Variants in MSANTD3 observed in about 807,000 individuals in gnomAD.
The protein encoded by MSANTD3 is myb/SANT-like DNA-binding domain-containing protein 3.
Under a neutral mutation model 27.7 loss-of-function variants are expected in MSANTD3, and 11 were observed. That is an observed-to-expected ratio of 0.40 (90% CI 0.25 to 0.66). The LOEUF (loss-of-function observed/expected upper bound fraction) is 0.66. Among genes scored for constraint, MSANTD3 ranks in the 30% least tolerant of loss-of-function variants. The pLI is 0.41. For missense variants in MSANTD3, 250 were observed against 336.5 expected (o/e 0.74, Z 2.01); for synonymous variants, 131 against 127.2 (o/e 1.03, Z -0.20).
At position 100,451,024 on chromosome 9, in the gene MSANTD3, T is replaced by G; in HGVS notation, c.*58T>G. 6.6e-7 allele frequency: 1 copy of G among 1,504,880 alleles called. No homozygotes were observed. The highest frequency in any genetic ancestry group is 2.3e-5 in the Admixed American group (1 of 44,134). 93.2% of individuals were successfully genotyped at this position (1,504,880 alleles called of 1,614,324 possible). A position where few individuals can be genotyped will look rare whatever the true frequency, so the allele number is the denominator to read the frequency against. On this transcript the variant is annotated 3_prime_UTR_variant, in exon 3 of 3. Transcript: ENST00000395067. ...GTGTTGGCAAAGAATGTCTGGAACA[T>G]GGACTTGGCGGTCAGTAACCTGTAA...
chr9:100,442,618 G>A (rs1042407379), intron 2 of MSANTD3, among the ~76,000 whole-genome samples: 10 of 151,720 alleles, frequency 6.6e-5, no homozygotes, highest in Admixed American at 1.3e-4. Flanking sequence ...ACCACCCTGG[G>A]CAACAAAGTG....
At chr9:100,434,012 G>A (rs1173660795) in intron 1 of MSANTD3, among the ~76,000 whole-genome samples, 2 of 152,056 alleles carry the variant, frequency 1.3e-5, no homozygotes, top group South Asian at 2.1e-4. Context: ...ACACTGTCTC[G>A]TCACCAGCCT....
chr9:100,441,227 T>G (rs1836613814), intron 1 of MSANTD3, among the ~76,000 whole-genome samples: 5 of 152,076 alleles, frequency 3.3e-5, no homozygotes, highest in Non-Finnish European at 7.4e-5. Context: ...CACGGTGGCT[T>G]CTTTTGTCCT....
chr9:100,448,570 A>C, intron 2 of MSANTD3: 3 of 985,344 alleles, frequency 3.0e-6, no homozygotes, highest in Non-Finnish European at 3.6e-6. Context: ...ACTGCACGTA[A>C]TTCACCCCAT....
intron 2 of MSANTD3, among the ~76,000 whole-genome samples, chr9:100,446,415 GC>G: frequency 6.6e-6 from 1 of 151,842 alleles, no homozygotes. Context: ...TCATTCTAAC[GC>G]GCTTGCATAT....
At chr9:100,430,633 T>G (rs1836353574) in intron 1 of MSANTD3, among the ~76,000 whole-genome samples, 2 of 152,144 alleles carry the variant, frequency 1.3e-5, no homozygotes, top group South Asian at 4.1e-4. Context: ...GTATGGAAGT[T>G]TGGGAGACCA....
At chr9:100,440,869 C>T (rs770774577) in intron 1 of MSANTD3, among the ~76,000 whole-genome samples, 2 of 138,066 alleles carry the variant, frequency 1.4e-5, no homozygotes. Context: ...AAGCAATTTA[C>T]CTACCTCAGC....
At chr9:100,443,085 G>A (rs1407309699) in intron 2 of MSANTD3, among the ~76,000 whole-genome samples, 2 of 151,986 alleles carry the variant, frequency 1.3e-5, no homozygotes, top group Non-Finnish European at 2.9e-5. Flanking sequence ...ATTGCAGTAG[G>A]CCACTCAAAA....
intron 2 of MSANTD3, chr9:100,445,279 G>A: frequency 8.9e-7 from 1 of 1,125,840 alleles, no homozygotes; most frequent in Non-Finnish European, 1.4e-6. Context: ...ATTACATCTT[G>A]TGTATTTGAC....
intron 2 of MSANTD3, among the ~76,000 whole-genome samples, chr9:100,447,230 TAAGAC>T (rs1020350085): frequency 6.6e-6 from 1 of 152,174 alleles, no homozygotes; most frequent in African/African-American, 2.4e-5. Context: ...TTTTTCCAAT[TAAGAC>T]AAGATTCTTC....
chr9:100,430,064 T>C (rs1836334918), intron 1 of MSANTD3, among the ~76,000 whole-genome samples: 2 of 149,062 alleles, frequency 1.3e-5, no homozygotes. Flanking sequence ...CTTTGTCTTA[T>C]CTTTGCCCTG....
At chr9:100,439,531 A>G (rs1836552947) in intron 1 of MSANTD3, among the ~76,000 whole-genome samples, 1 of 149,206 alleles carries the variant, frequency 6.7e-6, no homozygotes, top group Non-Finnish European at 1.5e-5. Flanking sequence ...TTTTTTCGAG[A>G]CAGAGTCTTG....
At position 100,427,326 on chromosome 9, in the gene MSANTD3, A is replaced by C. The variant is rs1220481283; in HGVS notation, c.-101A>C. Reference sequence around the variant, plus strand: ...GCCGCCCTGCTTGCGAGAGGAGCCCAGGCCGCCCGCCCTCGCGCCTCGCCG... The same window carrying C: ...GCCGCCCTGCTTGCGAGAGGAGCCCCGGCCGCCCGCCCTCGCGCCTCGCCG... On this transcript the variant is annotated 5_prime_UTR_variant, in exon 1 of 3. Coordinates refer to ENST00000395067, the MANE Select transcript of MSANTD3 (RefSeq NM_080655.3). The C allele has an allele frequency of 6.9e-6, 1 of 145,868 alleles. No individual in the cohort carries two copies. Among genetic ancestry groups the C allele is most frequent in the Admixed American group, 6.8e-5 (1 of 14,750 alleles). 9.0% of individuals were successfully genotyped at this position (145,868 alleles called of 1,614,324 possible). A position where few individuals can be genotyped will look rare whatever the true frequency, so the allele number is the denominator to read the frequency against.
At chr9:100,445,177 C>T in intron 2 of MSANTD3, 1 of 1,607,252 alleles carries the variant, frequency 6.2e-7, no homozygotes, top group Non-Finnish European at 8.5e-7. Context: ...AGTTTTCTTT[C>T]AAGAAAGAAA....
intron 1 of MSANTD3, among the ~76,000 whole-genome samples, chr9:100,430,854 A>G (rs531871515): frequency 3.3e-5 from 5 of 152,322 alleles, no homozygotes; most frequent in South Asian, 2.1e-4. Context: ...GGTTTTGGCT[A>G]TGGAGAGTTG....
At chr9:100,448,669 C>T (rs1208317937) in intron 2 of MSANTD3, 12 of 985,218 alleles carry the variant, frequency 1.2e-5, no homozygotes, top group South Asian at 4.7e-5. Context: ...CTTCAGAGTA[C>T]TTAGAGACTT....
chr9:100,434,970 T>TACACAC (rs140970116), intron 1 of MSANTD3, among the ~76,000 whole-genome samples: 1 of 150,216 alleles, frequency 6.7e-6, no homozygotes, highest in African/African-American at 2.4e-5. Flanking sequence ...ACACACACCA[T>TACACAC]ACACACACAC....
rs765959582 is a variant in MSANTD3, at chr9:100,442,025, A to G, written c.87A>G (p.Lys29=). The G allele has an allele frequency of 1.1e-5, 17 of 1,614,220 alleles. No homozygotes were observed. The highest frequency in any genetic ancestry group is 1.4e-5 in the Non-Finnish European group (16 of 1,180,042). The change falls in exon 2 of 3, where the codon AAA becomes AAG. Residue 29 remains lysine, a synonymous_variant. Transcript: ENST00000395067. ...TGCTGGCTTTAGTAGAAAAGTATAAATATGTGCTGGAATGTAAGAAAAGTG... is the reference window on the plus strand; with the variant it reads ...TGCTGGCTTTAGTAGAAAAGTATAAGTATGTGCTGGAATGTAAGAAAAGTG... The part of the protein sequence containing the change: ...SILLALVEKY[K]YVLECKKSDA...
chr9:100,447,544 G>GT (rs1836784096), intron 2 of MSANTD3, among the ~76,000 whole-genome samples: 2 of 152,284 alleles, frequency 1.3e-5, no homozygotes, highest in East Asian at 3.9e-4. Flanking sequence ...ATAAGAGATG[G>GT]TTTTTTAGTG....
Sources: gnomAD v4.1 joint callset for allele counts (sites outside exome capture counted in the v4.1 genomes callset) on GRCh38, gnomAD v4.1.1 for gene constraint, MANE v1.5 for transcripts, NCBI Gene and HGNC (gene_info 2026-07-23, HGNC 2026-07-21) for gene names.